The following STOX2 variants were observed in gnomAD, a reference collection of about 807,000 sequenced individuals.
STOX2 encodes storkhead box 2.
STOX2 carries 28 observed loss-of-function variants against 60.9 expected under a neutral mutation model. That is an observed-to-expected ratio of 0.46 (90% CI 0.34 to 0.63). The LOEUF (loss-of-function observed/expected upper bound fraction) is 0.63. Ranked by LOEUF, STOX2 falls within the 30% of genes least tolerant of loss-of-function variation. The pLI, the probability that STOX2 is intolerant of heterozygous loss-of-function variation, is 0.01. For missense variants in STOX2, 1,024 were observed against 1,187.7 expected, an observed-to-expected ratio of 0.86 and a Z score of 2.03; for synonymous variants, 472 against 463.9, an observed-to-expected ratio of 1.02 and a Z score of -0.22.
chr4:183,893,285 A>G (rs1469680145), intron 1 of STOX2, among the ~76,000 whole-genome samples: 1 of 152,202 alleles, frequency 6.6e-6, no homozygotes, highest in Non-Finnish European at 1.5e-5. Flanking sequence ...AGAAGTGATC[A>G]CGTGGAAACC....
intron 1 of STOX2, among the ~76,000 whole-genome samples, chr4:183,921,141 G>T (rs78854824): frequency 0.019 from 2,918 of 152,280 alleles, 60 homozygotes; most frequent in African/African-American, 0.05. Flanking sequence ...AGGAGGCTAG[G>T]ATCTATGAGG....
chr4:184,022,643 C>G lies in STOX2; in HGVS notation c.*5359C>G, dbSNP rs1412903259. 2 of 151,392 alleles carry G rather than the reference C, an allele frequency of 1.3e-5. No individual in the cohort carries two copies. Among genetic ancestry groups the G allele is most frequent in the African/African-American group, 4.9e-5 (2 of 41,134 alleles). The allele number at this position is 151,392 out of a possible 1,614,324, so 9.4% of individuals were successfully genotyped here. A position where few individuals can be genotyped will look rare whatever the true frequency, so the allele number is the denominator to read the frequency against. On this transcript the variant is annotated 3_prime_UTR_variant, in exon 4 of 4. Coordinates refer to ENST00000308497, the MANE Select transcript of STOX2 (RefSeq NM_020225.3). ...TAGAAGCTTGGCTGGTCTTAGTAAA[C>G]TTGTTCCCTTGCTCCCACCAAGAAG... is the stretch of plus-strand genomic sequence containing the variant.
chr4:183,977,745 G>A (rs1384700982), intron 1 of STOX2, among the ~76,000 whole-genome samples: 1 of 152,148 alleles, frequency 6.6e-6, no homozygotes, highest in East Asian at 1.9e-4. Flanking sequence ...TCTATATTTA[G>A]TTCTTTGAGA....
At chr4:183,868,600 G>A (rs1306429744) in intron 1 of STOX2, among the ~76,000 whole-genome samples, 1 of 152,176 alleles carries the variant, frequency 6.6e-6, no homozygotes, top group African/African-American at 2.4e-5. Flanking sequence ...GGGGAAACCA[G>A]GAACAGCTGA....
intron 1 of STOX2, among the ~76,000 whole-genome samples, chr4:183,799,173 AT>A (rs1203803266): frequency 1.3e-5 from 2 of 152,154 alleles, no homozygotes; most frequent in African/African-American, 4.8e-5. Context: ...TGTTTTGTCT[AT>A]TTTGGCAGAG....
chr4:184,001,279 C>T lies in STOX2; in HGVS notation c.167-46C>T, dbSNP rs376588329. 2.3e-5 allele frequency: 36 copies of T among 1,599,860 alleles called. No homozygotes were observed. Among genetic ancestry groups the T allele is most frequent in the East Asian group, 2.2e-5 (1 of 44,744 alleles). ...GTGAAGGCGTGTGTCTGACAGATGA[C>T]CGGGTCTTTTAATGAACCACTCACT... On this transcript the variant is annotated intron_variant, in intron 1 of 3. Transcript: ENST00000308497. The surrounding 1 kb of genome is among the most constrained non-coding windows in gnomAD (Gnocchi z 4.2).
intron 1 of STOX2, among the ~76,000 whole-genome samples, chr4:183,804,550 A>G (rs1414249152): frequency 3.3e-5 from 5 of 152,348 alleles, no homozygotes; most frequent in Admixed American, 1.3e-4. Flanking sequence ...GAGAGAAGGC[A>G]TGAGTCTCCA....
rs1268345245 is a variant in STOX2, at chr4:183,906,290, C to A, written c.-501C>A. On this transcript the variant is annotated 5_prime_UTR_variant, in exon 1 of 4. Coordinates refer to ENST00000308497, the MANE Select transcript of STOX2 (RefSeq NM_020225.3). ...GCCCGGCGCGGAGGGTCTGCCGCCG[C>A]CCCTCCGGCCTCCCGCACGCCCGAT... 1.3e-5 allele frequency: 2 copies of A among 152,366 alleles called. No individual in the cohort carries two copies. Among genetic ancestry groups the A allele is most frequent in the Non-Finnish European group, 2.9e-5 (2 of 68,224 alleles). The allele number at this position is 152,366 out of a possible 1,614,324, so 9.4% of individuals were successfully genotyped here.
intron 1 of STOX2, among the ~76,000 whole-genome samples, chr4:183,872,203 C>T (rs1740708469): frequency 6.6e-6 from 1 of 152,078 alleles, no homozygotes; most frequent in Non-Finnish European, 1.5e-5. Flanking sequence ...TACAGGCGCC[C>T]ACAATCATGC....
At chr4:183,955,463 C>T (rs1743219550) in intron 1 of STOX2, among the ~76,000 whole-genome samples, 1 of 152,224 alleles carries the variant, frequency 6.6e-6, no homozygotes. Context: ...ACTCTAGTAT[C>T]TCAGGCAATC....
At chr4:183,812,933 C>T (rs979979347) in intron 1 of STOX2, among the ~76,000 whole-genome samples, 3 of 152,142 alleles carry the variant, frequency 2.0e-5, no homozygotes, top group African/African-American at 7.2e-5. Context: ...CACACACTGC[C>T]TTCTCAAGTC....
intron 1 of STOX2, among the ~76,000 whole-genome samples, chr4:183,990,327 G>A (rs1733047379): frequency 6.6e-6 from 1 of 152,162 alleles, no homozygotes; most frequent in African/African-American, 2.4e-5. Flanking sequence ...ATAGAGTTAA[G>A]TTTCTATTCA....
chr4:183,911,641 T>G (rs1741784758), intron 1 of STOX2, among the ~76,000 whole-genome samples: 1 of 152,244 alleles, frequency 6.6e-6, no homozygotes, highest in South Asian at 2.1e-4. Flanking sequence ...GAGTGTATTG[T>G]ATAAAAACCT....
Position 184,009,147 on chromosome 4 carries a change from T to C in STOX2, c.320-11T>C. 1 of 1,434,354 alleles carries C rather than the reference T, an allele frequency of 7.0e-7. No homozygotes were observed. Among genetic ancestry groups the C allele is most frequent in the Non-Finnish European group, 9.3e-7 (1 of 1,079,442 alleles). 88.9% of individuals were successfully genotyped at this position (1,434,354 alleles called of 1,614,324 possible). ...CATTCTCACAAGTGGTTTTTTTTTT[T>C]TTTTTTTCAGGTGTTCCAACGCCAA... On this transcript the variant is annotated splice_polypyrimidine_tract_variant and intron_variant, in intron 2 of 3. Transcript: ENST00000308497. The surrounding 1 kb of genome is among the most constrained non-coding windows in gnomAD (Gnocchi z 4.0).
chr4:183,890,997 C>G (rs1156510097), intron 1 of STOX2, among the ~76,000 whole-genome samples: 2 of 152,160 alleles, frequency 1.3e-5, no homozygotes, highest in Admixed American at 1.3e-4. Context: ...GTAGTCCTAG[C>G]TACTTGGGAG....
chr4:183,974,255 CA>C (rs1409226319), intron 1 of STOX2, among the ~76,000 whole-genome samples: 1 of 151,340 alleles, frequency 6.6e-6, no homozygotes, highest in Non-Finnish European at 1.5e-5. Context: ...AATAGATAAA[CA>C]AAAATAGAGC....
At chr4:183,800,436 T>C (rs1157530192) in intron 1 of STOX2, among the ~76,000 whole-genome samples, 1 of 152,258 alleles carries the variant, frequency 6.6e-6, no homozygotes, top group African/African-American at 2.4e-5. Flanking sequence ...AACCAAATGC[T>C]ATCTTTGATA....
rs113170909 is a variant in STOX2 at position 183,958,741 on chromosome 4, C to T, written c.167-42584C>T. The stretch of plus-strand genomic sequence containing the variant: ...TATTTACCTTTAACACCCCAAGTAG[C>T]TCTGCTCATGATGTCTGCCTCGGTG... On this transcript the variant is annotated intron_variant, in intron 1 of 3. Transcript: ENST00000308497. 5.6e-3 allele frequency among the ~76,000 whole-genome samples: 848 copies of T among 152,284 alleles called. 8 individuals carry two copies. Among genetic ancestry groups the T allele is most frequent in the African/African-American group, 0.02 (821 of 41,558 alleles).
intron 1 of STOX2, among the ~76,000 whole-genome samples, chr4:183,921,735 G>T (rs62339696): frequency 0.076 from 11,516 of 152,180 alleles, 575 homozygotes; most frequent in Middle Eastern, 0.12. Flanking sequence ...ATGAAATACG[G>T]TATATATTTC....
Sources: allele counts gnomAD v4.1 joint callset (sites outside exome capture counted in the v4.1 genomes callset), GRCh38; gene constraint gnomAD v4.1.1; non-coding constraint Gnocchi (gnomAD v3.1); transcripts MANE v1.5; gene names NCBI Gene and HGNC (gene_info 2026-07-23, HGNC 2026-07-21).